Variants in PTPRD observed in about 807,000 individuals in gnomAD.
PTPRD encodes protein tyrosine phosphatase receptor type D.
Under a neutral mutation model 214.5 loss-of-function variants are expected in PTPRD, and 34 were observed. The observed-to-expected ratio is 0.16, with a 90% CI of 0.12 to 0.21. The LOEUF (loss-of-function observed/expected upper bound fraction) is 0.21, where lower values mean the gene tolerates loss of function less well. Among genes scored for constraint, PTPRD ranks in the 10% least tolerant of loss-of-function variants. The pLI is 1.00. For synonymous variants in PTPRD, 1,128 were observed against 845.7 expected, an observed-to-expected ratio of 1.33 and a Z score of -5.79; for missense variants, 2,545 against 2,398.7, an observed-to-expected ratio of 1.06 and a Z score of -1.27.
At chr9:10,166,209 T>C (rs530898878) in intron 3 of PTPRD, among the ~76,000 whole-genome samples, 1 of 145,974 alleles carries the variant, frequency 6.9e-6, no homozygotes, top group African/African-American at 2.5e-5. Flanking sequence ...TTTTGATTGT[T>C]AGAGATACCT....
chr9:10,053,331 T>C (rs544469274), intron 3 of PTPRD, among the ~76,000 whole-genome samples: 1 of 152,198 alleles, frequency 6.6e-6, no homozygotes, highest in Non-Finnish European at 1.5e-5. Context: ...TATTCTCTTT[T>C]GTTCTTAGTA....
At chr9:9,894,084 T>C (rs2074238770) in intron 5 of PTPRD, among the ~76,000 whole-genome samples, 1 of 152,030 alleles carries the variant, frequency 6.6e-6, no homozygotes, top group South Asian at 2.1e-4. Context: ...CTCCTAACGC[T>C]GTGGAATTGC....
At chr9:9,081,420 T>C (rs562048284) in intron 10 of PTPRD, among the ~76,000 whole-genome samples, 2 of 152,160 alleles carry the variant, frequency 1.3e-5, no homozygotes, top group Non-Finnish European at 1.5e-5. Flanking sequence ...TCCAATTATG[T>C]GGTCAATTTT....
intron 8 of PTPRD, among the ~76,000 whole-genome samples, chr9:9,411,136 T>C (rs1247681578): frequency 6.6e-6 from 1 of 152,060 alleles, no homozygotes; most frequent in Non-Finnish European, 1.5e-5. Flanking sequence ...TCCATCAAAA[T>C]AGACATAAAA....
chr9:8,969,761 T>C (rs1220591161), intron 11 of PTPRD, among the ~76,000 whole-genome samples: 3 of 151,912 alleles, frequency 2.0e-5, no homozygotes, highest in Non-Finnish European at 4.4e-5. Context: ...ATGAGGAGTA[T>C]GATCTCATAC....
chr9:8,696,218 G>C (rs1043418598), intron 12 of PTPRD, among the ~76,000 whole-genome samples: 1 of 152,172 alleles, frequency 6.6e-6, no homozygotes, highest in Non-Finnish European at 1.5e-5. Flanking sequence ...GAAACCAAGA[G>C]GGCTGGCCTC....
intron 10 of PTPRD, among the ~76,000 whole-genome samples, chr9:9,121,295 C>A (rs2099817378): frequency 6.6e-6 from 1 of 152,132 alleles, no homozygotes; most frequent in South Asian, 2.1e-4. Flanking sequence ...AGTAGAACTG[C>A]CAATTGATTG....
intron 14 of PTPRD, among the ~76,000 whole-genome samples, chr9:8,579,895 G>A (rs2092888028): frequency 1.3e-5 from 2 of 152,150 alleles, no homozygotes; most frequent in South Asian, 2.1e-4. Context: ...TGGTGACCAG[G>A]CTAAACAGTT....
intron 14 of PTPRD, among the ~76,000 whole-genome samples, chr9:8,551,099 A>G (rs1214332703): frequency 6.6e-6 from 1 of 152,182 alleles, no homozygotes; most frequent in Non-Finnish European, 1.5e-5. Flanking sequence ...TTTTTGCTCA[A>G]TAGCTATTTT....
intron 11 of PTPRD, among the ~76,000 whole-genome samples, chr9:8,838,088 T>G (rs562656365): frequency 4.3e-4 from 66 of 151,970 alleles, no homozygotes; most frequent in African/African-American, 1.5e-3. Flanking sequence ...TAAGAAAATC[T>G]TAAGGGAGAG....
intron 34 of PTPRD, among the ~76,000 whole-genome samples, chr9:8,442,211 C>A (rs138724741): frequency 2.6e-5 from 4 of 152,174 alleles, no homozygotes; most frequent in Non-Finnish European, 5.9e-5. Context: ...CAGAATATTT[C>A]TTAGAAGCTA....
At chr9:9,883,291 C>T (rs1442772686) in intron 5 of PTPRD, among the ~76,000 whole-genome samples, 2 of 152,084 alleles carry the variant, frequency 1.3e-5, no homozygotes, top group Non-Finnish European at 2.9e-5. Flanking sequence ...TTATTACTTC[C>T]TCTTCATTGA....
chr9:8,899,521 A>T (rs1220352936), intron 11 of PTPRD, among the ~76,000 whole-genome samples: 1 of 152,116 alleles, frequency 6.6e-6, no homozygotes, highest in African/African-American at 2.4e-5. Context: ...CTCAAAGCAG[A>T]AATTTTCTGG....
At chr9:9,670,384 A>C (rs1467857229) in intron 7 of PTPRD, among the ~76,000 whole-genome samples, 1 of 152,188 alleles carries the variant, frequency 6.6e-6, no homozygotes, top group East Asian at 1.9e-4. Flanking sequence ...CATAAAAGTT[A>C]AGAAAATTTC....
chr9:10,311,083 A>AT (rs891557222), intron 3 of PTPRD, among the ~76,000 whole-genome samples: 95 of 150,024 alleles, frequency 6.3e-4, no homozygotes, highest in Admixed American at 9.3e-4. Flanking sequence ...TTATATACCG[A>AT]TTTTTTTTTT....
At chr9:8,638,511 C>G (rs762971598) in intron 12 of PTPRD, among the ~76,000 whole-genome samples, 1 of 152,138 alleles carries the variant, frequency 6.6e-6, no homozygotes, top group South Asian at 2.1e-4. Flanking sequence ...AATTGCAAAA[C>G]TATGACATAT....
intron 8 of PTPRD, among the ~76,000 whole-genome samples, chr9:9,466,116 T>A (rs10977786): frequency 0.48 from 72,318 of 151,368 alleles, 17,618 homozygotes; most frequent in East Asian, 0.67. Context: ...CTGACCAGCC[T>A]GGCCAACATG....
chr9:9,524,742 C>T (rs1285647310), intron 8 of PTPRD, among the ~76,000 whole-genome samples: 1 of 152,134 alleles, frequency 6.6e-6, no homozygotes, highest in East Asian at 1.9e-4. Context: ...TAATGCTTTT[C>T]GATTTTACAT....
At chr9:10,180,651 T>C (rs139916668) in intron 3 of PTPRD, among the ~76,000 whole-genome samples, 6 of 145,792 alleles carry the variant, frequency 4.1e-5, no homozygotes, top group African/African-American at 1.5e-4. Flanking sequence ...TTATGAACTA[T>C]ACTTAAAAAT....
Sources: gnomAD v4.1 joint callset for allele counts (sites outside exome capture counted in the v4.1 genomes callset) on GRCh38, gnomAD v4.1.1 for gene constraint, MANE v1.5 for transcripts, NCBI Gene and HGNC (gene_info 2026-07-23, HGNC 2026-07-21) for gene names.